INSL6: variants seen among roughly 807,000 people sequenced by gnomAD.
The protein encoded by INSL6 is insulin like 6.
INSL6 carries 16 observed loss-of-function variants against 9.4 expected under a neutral mutation model. The observed-to-expected ratio is 1.70, with a 90% CI of 1.15 to 2.59. The LOEUF is 2.59. Ranked by LOEUF, INSL6 falls within the 30% of genes most tolerant of loss-of-function variation. The probability of loss-of-function intolerance (pLI) is 0.00; values close to 1 mark genes in which losing one functional copy is unlikely to be tolerated. For missense variants in INSL6, 391 were observed against 257.3 expected (o/e 1.52, Z -3.56); for synonymous variants, 154 against 96.9 (o/e 1.59, Z -3.46).
the INSL6 span, chr9:5,100,490 A>G: frequency 1.4e-4 from 21 of 152,214 alleles, no homozygotes; most frequent in South Asian, 4.1e-4. Context: ...GAATAATTCT[A>G]TTTATTATCT....
At chr9:5,162,121 G>A (rs777700609), downstream of INSL6, among the ~76,000 whole-genome samples, 8 of 151,778 alleles carry the variant, frequency 5.3e-5, no homozygotes, top group Non-Finnish European at 8.8e-5. Context: ...GACATCAGTA[G>A]TACTGAGCAA....
intron 1 of INSL6, among the ~76,000 whole-genome samples, chr9:5,172,083 A>G (rs1223506009): frequency 6.6e-6 from 1 of 152,208 alleles, no homozygotes; most frequent in African/African-American, 2.4e-5. Context: ...TGGACTTCAA[A>G]CTATACTACA....
chr9:5,075,443 A>G, the INSL6 span, among the ~76,000 whole-genome samples: 1 of 152,196 alleles, frequency 6.6e-6, no homozygotes, highest in Admixed American at 6.5e-5. Flanking sequence ...GTGATTTGAA[A>G]TTCAAACCAG....
the INSL6 span, among the ~76,000 whole-genome samples, chr9:4,993,252 G>T: frequency 1.3e-5 from 2 of 152,114 alleles, no homozygotes; most frequent in African/African-American, 4.8e-5. Flanking sequence ...ATAATATTTC[G>T]TCTGAAAGGA....
intron 3 of INSL6, chr9:5,131,932 G>GT (rs1824300352): frequency 1.3e-5 from 2 of 152,134 alleles, no homozygotes; most frequent in Admixed American, 6.5e-5. Context: ...TTTAAAGGCT[G>GT]TTATAAATCC....
chr9:5,141,010 C>A (rs1472831533), intron 2 of INSL6, among the ~76,000 whole-genome samples: 1 of 152,052 alleles, frequency 6.6e-6, no homozygotes, highest in Non-Finnish European at 1.5e-5. Flanking sequence ...TGGCCTCTAG[C>A]TCCATCCATG....
At chr9:5,053,680 AGGCCAGATAGGCTGT>A in the INSL6 span, among the ~76,000 whole-genome samples, 10 of 152,158 alleles carry the variant, frequency 6.6e-5, 1 homozygote, top group Admixed American at 2.6e-4. Context: ...TTTCAAAAAG[AGGCCAGATAGGCTGT>A]GGCCAGAAGG....
the INSL6 span, among the ~76,000 whole-genome samples, chr9:5,004,843 T>A: frequency 2.6e-5 from 4 of 152,092 alleles, no homozygotes; most frequent in Non-Finnish European, 1.5e-5. Context: ...TGAGGTGAGA[T>A]CTCACTATGG....
intron 2 of INSL6, among the ~76,000 whole-genome samples, chr9:5,139,826 G>A (rs926038768): frequency 2.0e-5 from 3 of 152,150 alleles, no homozygotes; most frequent in Non-Finnish European, 2.9e-5. Context: ...TTAAAGAAAT[G>A]AGCCTAGGTT....
downstream of INSL6, among the ~76,000 whole-genome samples, chr9:5,122,414 A>C (rs1463546066): frequency 6.6e-6 from 1 of 152,024 alleles, no homozygotes; most frequent in Non-Finnish European, 1.5e-5. Flanking sequence ...CCTTGGAACC[A>C]ATTTTTTTCT....
chr9:5,078,265 G>C, the INSL6 span: 2 of 1,564,454 alleles, frequency 1.3e-6, no homozygotes, highest in Non-Finnish European at 1.7e-6. Context: ...TCCAGTACTT[G>C]TGGACTGATA....
intron 2 of INSL6, among the ~76,000 whole-genome samples, chr9:5,145,139 C>G (rs578133155): frequency 5.3e-5 from 8 of 152,144 alleles, no homozygotes; most frequent in Non-Finnish European, 1.0e-4. Context: ...CCTTCAAGAG[C>G]TTTTGTAAGG....
At chr9:5,089,489 G>A in the INSL6 span, among the ~76,000 whole-genome samples, 1 of 126,158 alleles carries the variant, frequency 7.9e-6, no homozygotes, top group African/African-American at 2.9e-5. Context: ...AGTGAGCCGA[G>A]ATCGTGCCAC....
At chr9:5,126,478 T>G (rs766478983) in intron 3 of INSL6, 1 of 1,420,214 alleles carries the variant, frequency 7.0e-7, no homozygotes, top group African/African-American at 1.4e-5. Context: ...AGGGTAGTCA[T>G]GCATTTTCTT....
chr9:5,113,260 T>A, the INSL6 span, among the ~76,000 whole-genome samples: 1 of 144,690 alleles, frequency 6.9e-6, no homozygotes, highest in Non-Finnish European at 1.5e-5. Flanking sequence ...AAACATACAC[T>A]TTGTCAGAAA....
the INSL6 span, among the ~76,000 whole-genome samples, chr9:5,081,005 C>T: frequency 3.3e-5 from 5 of 150,774 alleles, no homozygotes; most frequent in East Asian, 2.0e-4. Flanking sequence ...ACGCCATTCT[C>T]CTGCCTCAGC....
intron 2 of INSL6, among the ~76,000 whole-genome samples, chr9:5,150,266 G>C (rs1278573510): frequency 1.3e-5 from 2 of 152,016 alleles, no homozygotes; most frequent in Non-Finnish European, 2.9e-5. Flanking sequence ...TTATAAACTA[G>C]AAAGCCTCTG....
At chr9:5,168,922 A>T (rs2130909971) in intron 1 of INSL6, among the ~76,000 whole-genome samples, 1 of 130,576 alleles carries the variant, frequency 7.7e-6, no homozygotes, top group South Asian at 2.3e-4. Flanking sequence ...GCCAATATTT[A>T]TTTGATTTTT....
the INSL6 span, among the ~76,000 whole-genome samples, chr9:5,040,022 C>G: frequency 1.3e-5 from 2 of 152,048 alleles, no homozygotes; most frequent in African/African-American, 2.4e-5. Context: ...TGAAACAATA[C>G]AAAGTTTGAA....
Sources: allele counts gnomAD v4.1 joint callset (sites outside exome capture counted in the v4.1 genomes callset), GRCh38; gene constraint gnomAD v4.1.1; transcripts MANE v1.5; gene names NCBI Gene and HGNC (gene_info 2026-07-23, HGNC 2026-07-21).